UGT1A8: variants seen among roughly 807,000 people sequenced by gnomAD.
UGT1A8 encodes the protein UDP glucuronosyltransferase family 1 member A8.
A neutral mutation model predicts 45.3 loss-of-function variants in UGT1A8; 39 were observed. That is an observed-to-expected ratio of 0.86 (90% confidence interval 0.67 to 1.12). The LOEUF is 1.12. Among genes scored for constraint, UGT1A8 ranks in the 50% most tolerant of loss-of-function variants. UGT1A8 has a pLI of 0.00. For missense variants in UGT1A8, 719 were observed against 664.9 expected, an observed-to-expected ratio of 1.08 and a Z score of -0.90; for synonymous variants, 275 against 249.2, an observed-to-expected ratio of 1.10 and a Z score of -0.97.
At chr2:233,718,298 C>T (rs563376367) in intron 1 of UGT1A8, among the ~76,000 whole-genome samples, 1 of 152,358 alleles carries the variant, frequency 6.6e-6, no homozygotes, top group South Asian at 2.1e-4. Flanking sequence ...CCAGCCTGAA[C>T]ACTCTCTGTT....
intron 1 of UGT1A8, among the ~76,000 whole-genome samples, chr2:233,702,680 G>A (rs1358837943): frequency 7.2e-5 from 11 of 152,088 alleles, no homozygotes; most frequent in African/African-American, 1.7e-4. Flanking sequence ...TACCTGAGGT[G>A]TTTGGTTTTG....
chr2:233,627,626 T>TTCCTTCCTTCCC (rs2073109365), intron 1 of UGT1A8, among the ~76,000 whole-genome samples: 1 of 82,000 alleles, frequency 1.2e-5, no homozygotes, highest in East Asian at 2.8e-4. Flanking sequence ...CCTTCCTTTC[T>TTCCTTCCTTCCC]TCCTTCCTTC....
At chr2:233,660,111 C>G (rs561846489) in intron 1 of UGT1A8, among the ~76,000 whole-genome samples, 1 of 152,354 alleles carries the variant, frequency 6.6e-6, no homozygotes, top group East Asian at 1.9e-4. Context: ...AAGTCACGCA[C>G]AACATCTGGA....
chr2:233,772,304 C>G lies in UGT1A8; in HGVS notation c.1338C>G (p.Asp446Glu), dbSNP rs1165346261. The change falls in exon 5 of 5, where the codon GAC becomes GAG. Residue 446 changes from aspartate to glutamate, a missense_variant. Transcript: ENST00000373450. The part of the protein sequence containing the change: ...NIMRLSSLHK[D>E]RPVEPLDLAV... ...TGCGCCTCTCCAGCCTTCACAAGGA[C>G]CGCCCGGTGGAGCCGCTGGACCTGG... The G allele has an allele frequency of 6.2e-7, 1 of 1,614,230 alleles. No homozygotes were observed. The highest frequency in any genetic ancestry group is 2.2e-5 in the East Asian group (1 of 44,884).
chr2:233,763,933 G>A (rs1374530707), intron 1 of UGT1A8, among the ~76,000 whole-genome samples: 1 of 152,232 alleles, frequency 6.6e-6, no homozygotes, highest in African/African-American at 2.4e-5. Context: ...ATGGCCAGGA[G>A]AGGAAAGCTT....
intron 1 of UGT1A8, among the ~76,000 whole-genome samples, chr2:233,711,377 C>G (rs1440566263): frequency 6.6e-6 from 1 of 152,222 alleles, no homozygotes; most frequent in Non-Finnish European, 1.5e-5. Flanking sequence ...GTGAGAGCAC[C>G]CTCCCAGGTG....
intron 1 of UGT1A8, among the ~76,000 whole-genome samples, chr2:233,663,995 G>A (rs1464070623): frequency 1.3e-5 from 2 of 152,108 alleles, no homozygotes; most frequent in African/African-American, 4.8e-5. Flanking sequence ...GGCCACATCT[G>A]GAATACTTTA....
Position 233,714,841 on chromosome 2 carries a change from T to C in UGT1A8, c.856-52193T>C, listed in dbSNP as rs560513548. Among the ~76,000 whole-genome samples, 282 of 152,342 alleles carry C rather than the reference T, an allele frequency of 1.9e-3. 2 individuals are homozygous for C. Among genetic ancestry groups the C allele is most frequent in the African/African-American group, 6.5e-3 (270 of 41,588 alleles). ...GTGACAACAATATGGTGAATGTTTATAAATATTCCATGGATAAAACTAAAA... is the reference window on the plus strand; with the variant it reads ...GTGACAACAATATGGTGAATGTTTACAAATATTCCATGGATAAAACTAAAA... On this transcript the variant is annotated intron_variant, in intron 1 of 4. Coordinates refer to ENST00000373450, the MANE Select transcript of UGT1A8 (RefSeq NM_019076.5).
chr2:233,699,035 A>G (rs2075478622), intron 1 of UGT1A8, among the ~76,000 whole-genome samples: 1 of 152,230 alleles, frequency 6.6e-6, no homozygotes, highest in Non-Finnish European at 1.5e-5. Context: ...AGGCAGTCCC[A>G]GATGTCCTGA....
intron 3 of UGT1A8, 80 bp from the exon 4 acceptor site, chr2:233,768,140 A>G (rs573022476): frequency 9.8e-5 from 158 of 1,609,884 alleles, no homozygotes; most frequent in Non-Finnish European, 1.2e-4. Context: ...GAGTCTTTGG[A>G]GTGTTTTCAG....
intron 1 of UGT1A8, among the ~76,000 whole-genome samples, chr2:233,669,723 G>T (rs537023205): frequency 1.3e-4 from 20 of 152,016 alleles, no homozygotes; most frequent in East Asian, 1.2e-3. Context: ...GTGCTGTTTT[G>T]CCCGGGCTGG....
chr2:233,671,553 T>C (rs1381622571), intron 1 of UGT1A8, among the ~76,000 whole-genome samples: 1 of 152,196 alleles, frequency 6.6e-6, no homozygotes, highest in Non-Finnish European at 1.5e-5. Flanking sequence ...AAAATCTAAA[T>C]TTTGCTCTGG....
chr2:233,682,367 G>A, intron 1 of UGT1A8: 2 of 1,614,052 alleles, frequency 1.2e-6, no homozygotes, highest in South Asian at 1.1e-5. Flanking sequence ...TTGTTTTGAT[G>A]CAGTGTTTCT....
rs768118782 is a variant in UGT1A8, at chr2:233,617,685, C to T, written c.-23C>T. On this transcript the variant is annotated 5_prime_UTR_variant, in exon 1 of 5. Transcript: ENST00000373450. ...TCATAGCAGCTTAGAATCCCAGCTG[C>T]TGGCTCGGGCTGCAGTTCTCTCATG... The T allele has an allele frequency of 6.3e-7, 1 of 1,599,940 alleles. No individual in the cohort carries two copies. Among genetic ancestry groups the T allele is most frequent in the Non-Finnish European group, 8.5e-7 (1 of 1,171,952 alleles).
At chr2:233,751,615 T>C (rs531404071) in intron 1 of UGT1A8, among the ~76,000 whole-genome samples, 1 of 152,176 alleles carries the variant, frequency 6.6e-6, no homozygotes, top group Non-Finnish European at 1.5e-5. Flanking sequence ...TGGGAGGTGA[T>C]TGGATCATGT....
At chr2:233,743,792 G>C (rs775660405) in intron 1 of UGT1A8, 3 of 1,367,294 alleles carry the variant, frequency 2.2e-6, no homozygotes, top group Non-Finnish European at 2.9e-6. Flanking sequence ...TCTCCTCTCC[G>C]CTTCCTCCTT....
intron 1 of UGT1A8, among the ~76,000 whole-genome samples, chr2:233,714,844 A>G (rs563954106): frequency 6.6e-6 from 1 of 152,320 alleles, no homozygotes; most frequent in East Asian, 1.9e-4. Flanking sequence ...ATGTTTATAA[A>G]TATTCCATGG....
At chr2:233,701,814 A>G (rs2075653740) in intron 1 of UGT1A8, among the ~76,000 whole-genome samples, 1 of 152,220 alleles carries the variant, frequency 6.6e-6, no homozygotes, top group Non-Finnish European at 1.5e-5. Context: ...AAGACACAAC[A>G]TACCAGAATC....
chr2:233,637,387 C>G, intron 1 of UGT1A8: 1 of 1,609,644 alleles, frequency 6.2e-7, no homozygotes, highest in Non-Finnish European at 8.5e-7. Context: ...GGTAAGTCAC[C>G]TCTCCTTTAG....
Sources: gnomAD v4.1 joint callset for allele counts (sites outside exome capture counted in the v4.1 genomes callset) on GRCh38, gnomAD v4.1.1 for gene constraint, MANE v1.5 for transcripts, NCBI Gene and HGNC (gene_info 2026-07-23, HGNC 2026-07-21) for gene names.